The following MAPK14 variants were observed in gnomAD, a reference collection of about 807,000 sequenced individuals.
The protein encoded by MAPK14 is mitogen-activated protein kinase 14.
Under a neutral mutation model 49.6 loss-of-function variants are expected in MAPK14, and 16 were observed. The ratio of observed to expected loss-of-function variants is 0.32; its 90% confidence interval spans 0.22 to 0.49. MAPK14 has a LOEUF of 0.49. Among genes scored for constraint, MAPK14 ranks in the 20% least tolerant of loss-of-function variants. MAPK14 has a pLI of 0.99. For missense variants in MAPK14, 200 were observed against 441.2 expected, an observed-to-expected ratio of 0.45 and a Z score of 4.90; for synonymous variants, 142 against 158.0, an observed-to-expected ratio of 0.90 and a Z score of 0.76.
chr6:36,098,787 C>T (rs1044096812), intron 9 of MAPK14, among the ~76,000 whole-genome samples: 1 of 152,068 alleles, frequency 6.6e-6, no homozygotes, highest in Non-Finnish European at 1.5e-5. Flanking sequence ...CTTTGTGGCC[C>T]CTTTTTGTTA....
chr6:36,058,253 T>C (rs1763662285), intron 2 of MAPK14, among the ~76,000 whole-genome samples: 1 of 152,192 alleles, frequency 6.6e-6, no homozygotes, highest in Admixed American at 6.5e-5. Context: ...TTGAAGCATA[T>C]ACAGTTAATA....
At chr6:36,035,699 A>G (rs1762722074) in intron 1 of MAPK14, among the ~76,000 whole-genome samples, 1 of 152,278 alleles carries the variant, frequency 6.6e-6, no homozygotes, top group African/African-American at 2.4e-5. Context: ...ATGAATGATT[A>G]GAAAGCAACA....
At chr6:36,073,194 C>T in intron 4 of MAPK14, 1 of 547,130 alleles carries the variant, frequency 1.8e-6, no homozygotes, top group South Asian at 2.0e-5. Flanking sequence ...TTTGTATTTC[C>T]CAAGCCCTGG....
the MAPK14 span, among the ~76,000 whole-genome samples, chr6:36,119,776 A>G: frequency 1.3e-5 from 2 of 152,156 alleles, no homozygotes; most frequent in Non-Finnish European, 2.9e-5. Context: ...GGCCCCCACA[A>G]CGAGGAATTA....
chr6:36,087,297 AAAAG>A (rs748346389), intron 8 of MAPK14, among the ~76,000 whole-genome samples: 19 of 152,296 alleles, frequency 1.2e-4, no homozygotes, highest in Admixed American at 2.6e-4. Context: ...GCAATCAGGC[AAAAG>A]AAAGAAAGAA....
chr6:36,069,858 C>A (rs376944552), intron 3 of MAPK14, among the ~76,000 whole-genome samples: 1 of 152,148 alleles, frequency 6.6e-6, no homozygotes, highest in African/African-American at 2.4e-5. Context: ...TGTGAACTGG[C>A]TCAGGCCTAT....
At chr6:36,112,503 ATTAAG>A (rs1277876209), downstream of MAPK14, among the ~76,000 whole-genome samples, 1 of 152,230 alleles carries the variant, frequency 6.6e-6, no homozygotes, top group Non-Finnish European at 1.5e-5. Flanking sequence ...TGACAAGGAA[ATTAAG>A]TTGTTTTTGA....
intron 10 of MAPK14, among the ~76,000 whole-genome samples, chr6:36,103,662 T>C (rs1299815310): frequency 6.6e-6 from 1 of 150,972 alleles, no homozygotes; most frequent in Non-Finnish European, 1.5e-5. Context: ...AGGGGAGGAG[T>C]GATGTGTGCT....
chr6:36,040,453 T>G (rs567530223), intron 1 of MAPK14, among the ~76,000 whole-genome samples: 1 of 152,300 alleles, frequency 6.6e-6, no homozygotes, highest in Admixed American at 6.5e-5. Context: ...AAGGCAGAAA[T>G]GCTATACTTT....
Position 36,064,279 on chromosome 6 carries a change from C to CA in MAPK14, c.305+4933dup, listed in dbSNP as rs1554181533. Reference sequence around the variant, plus strand: ...AGATATGAGCCACCATGCCCCCCCCCACCCCTTTTTCTTAACTGTAGTGGT... The same window carrying CA: ...AGATATGAGCCACCATGCCCCCCCCCAACCCCTTTTTCTTAACTGTAGTGGT... On this transcript the variant is annotated intron_variant, in intron 3 of 11. Transcript: ENST00000229794. Among the ~76,000 whole-genome samples, 3 of 128,144 alleles carry CA rather than the reference C, an allele frequency of 2.3e-5. 1 individual carries two copies. Among genetic ancestry groups the CA allele is most frequent in the African/African-American group, 5.5e-5 (2 of 36,338 alleles). The allele number at this position is 128,144 out of a possible 152,430, so 84.1% of individuals were successfully genotyped here. A position where few individuals can be genotyped will look rare whatever the true frequency, so the allele number is the denominator to read the frequency against.
chr6:36,064,641 G>A (rs1011479421), intron 3 of MAPK14, among the ~76,000 whole-genome samples: 3 of 152,160 alleles, frequency 2.0e-5, no homozygotes, highest in African/African-American at 4.8e-5. Flanking sequence ...AATAAGTTTA[G>A]CTTTTTTATT....
chr6:36,052,650 AT>A, intron 1 of MAPK14, 48 bp from the exon 2 acceptor site: 1 of 1,549,658 alleles, frequency 6.5e-7, no homozygotes, highest in Non-Finnish European at 8.7e-7. Flanking sequence ...CCAAAATAAT[AT>A]TTAGAACAGC....
In MAPK14 at chr6:36,028,334, G is replaced by C; in HGVS notation, c.116+61G>C. ...GGTGGCCCCTCGCGCCCGAGGGCCA[G>C]GCCTGCTCCACTGCTCAGCGTTGCG... On this transcript the variant is annotated intron_variant, in intron 1 of 11. Transcript: ENST00000229794. The surrounding 1 kb of genome is among the most constrained non-coding windows in gnomAD (Gnocchi z 5.1). 8.4e-7 allele frequency: 1 copy of C among 1,190,226 alleles called. No individual in the cohort carries two copies. Among genetic ancestry groups the C allele is most frequent in the Non-Finnish European group, 1.3e-6 (1 of 799,358 alleles). The allele number at this position is 1,190,226 out of a possible 1,614,324, so 73.7% of individuals were successfully genotyped here. A position where few individuals can be genotyped will look rare whatever the true frequency, so the allele number is the denominator to read the frequency against.
At chr6:36,072,457 T>C (rs1764340709) in intron 3 of MAPK14, among the ~76,000 whole-genome samples, 1 of 151,958 alleles carries the variant, frequency 6.6e-6, no homozygotes, top group African/African-American at 2.4e-5. Context: ...AAGGGAAGGG[T>C]AGCCTTCCCT....
At chr6:36,122,599 A>G in the MAPK14 span, among the ~76,000 whole-genome samples, 1 of 152,354 alleles carries the variant, frequency 6.6e-6, no homozygotes, top group Non-Finnish European at 1.5e-5. Flanking sequence ...AGAGGGGGGC[A>G]GACAATAAAC....
downstream of MAPK14, among the ~76,000 whole-genome samples, chr6:36,115,081 A>G (rs1280202119): frequency 1.3e-5 from 2 of 152,214 alleles, no homozygotes; most frequent in East Asian, 3.8e-4. Context: ...TGGAAAACCC[A>G]TTATTGAAGC....
intron 2 of MAPK14, among the ~76,000 whole-genome samples, chr6:36,055,942 A>G (rs570721489): frequency 1.3e-5 from 2 of 152,288 alleles, no homozygotes; most frequent in Admixed American, 6.5e-5. Context: ...CAAAAATTTA[A>G]GTACTTTGAT....
intron 2 of MAPK14, among the ~76,000 whole-genome samples, chr6:36,056,895 C>T (rs982509920): frequency 2.6e-5 from 4 of 152,044 alleles, no homozygotes; most frequent in African/African-American, 4.8e-5. Flanking sequence ...ATTAAAAGAC[C>T]AGAGGTCTTA....
downstream of MAPK14, among the ~76,000 whole-genome samples, chr6:36,114,129 C>T (rs1453677123): frequency 6.6e-6 from 1 of 152,228 alleles, no homozygotes; most frequent in Non-Finnish European, 1.5e-5. Flanking sequence ...GCCAGTAGCA[C>T]TCATGCTCCC....
Sources: gnomAD v4.1 joint callset for allele counts (sites outside exome capture counted in the v4.1 genomes callset) on GRCh38, gnomAD v4.1.1 for gene constraint, Gnocchi (gnomAD v3.1) non-coding constraint, MANE v1.5 for transcripts, NCBI Gene and HGNC (gene_info 2026-07-23, HGNC 2026-07-21) for gene names.